CHPF: variants seen among roughly 807,000 people sequenced by gnomAD.
CHPF encodes chondroitin polymerizing factor, non-catalytic subunit.
CHPF carries 34 observed loss-of-function variants against 55.1 expected under a neutral mutation model. The observed-to-expected ratio is 0.62, with a 90% CI of 0.47 to 0.82. The LOEUF is 0.82. Among genes scored for constraint, CHPF ranks in the 40% least tolerant of loss-of-function variants. The pLI, the probability that CHPF is intolerant of heterozygous loss-of-function variation, is 0.00. For missense variants in CHPF, 961 were observed against 1,106.1 expected (o/e 0.87, Z 1.86); for synonymous variants, 489 against 496.6 (o/e 0.98, Z 0.20).
Position 219,539,886 on chromosome 2 carries a change from T to C in CHPF, c.1825A>G (p.Thr609Ala). Residue 609 changes from threonine to alanine, a missense_variant, in exon 4 of 4, where the codon ACA (threonine) becomes GCA (alanine). Transcript: ENST00000243776. ...DLLSKKHPLD[T>A]LFLLAGPDTV... ...TCTGGCCCGGCCAGCAGGAACAGTGTGTCCAGCGGGTGCTTCTTGGAGAGT... is the reference window on the plus strand; with the variant it reads ...TCTGGCCCGGCCAGCAGGAACAGTGCGTCCAGCGGGTGCTTCTTGGAGAGT... 6.2e-7 allele frequency: 1 copy of C among 1,613,686 alleles called. No individual in the cohort carries two copies. The highest frequency in any genetic ancestry group is 8.5e-7 in the Non-Finnish European group (1 of 1,179,998).
At chr2:219,541,460 C>T (rs3180308) in intron 2 of CHPF, 156 bp downstream of exon 2, 3 of 636,258 alleles carry the variant, frequency 4.7e-6, no homozygotes, top group Non-Finnish European at 7.8e-6. Context: ...GATACTGAAG[C>T]CCAGGATATT....
In CHPF at chr2:219,539,258, C is replaced by T. The variant is rs1695206670; in HGVS notation, c.*125G>A. 1 of 914,026 alleles carries T rather than the reference C, an allele frequency of 1.1e-6. No homozygotes were observed. The highest frequency in any genetic ancestry group is 1.6e-6 in the Non-Finnish European group (1 of 619,310). The allele number at this position is 914,026 out of a possible 1,614,324, so 56.6% of individuals were successfully genotyped here. On this transcript the variant is annotated 3_prime_UTR_variant, in exon 4 of 4. Transcript: ENST00000243776. ...GGACCCACAGAGCCAGAGAGGGGACCAGTGGGCCAGCTTGGGGTCTGGCTA... is the reference window on the plus strand; with the variant it reads ...GGACCCACAGAGCCAGAGAGGGGACTAGTGGGCCAGCTTGGGGTCTGGCTA...
chr2:219,540,277 G>A lies in CHPF; in HGVS notation c.1434C>T (p.Arg478=). The part of the protein sequence containing the change: ...QLEALTPQGG[R]RPLTRRVQLL... ...GCTGCACTCGGCGAGTGAGGGGCCG[G>A]CGGCCTCCCTGGGGGGTCAGTGCCT... The change falls in exon 4 of 4, where the codon CGC becomes CGT. Residue 478 remains arginine (R), a synonymous_variant. Transcript: ENST00000243776. 6.2e-7 allele frequency: 1 copy of A among 1,613,776 alleles called. No homozygotes were observed. Among genetic ancestry groups the A allele is most frequent in the Non-Finnish European group, 8.5e-7 (1 of 1,179,876 alleles).
chr2:219,541,395 T>C (rs758414745), intron 2 of CHPF: 49 of 555,214 alleles, frequency 8.8e-5, no homozygotes, highest in Non-Finnish European at 1.4e-4. Context: ...TCCCTGATTT[T>C]TTCTAATCCT....
intron 1 of CHPF, 83 bp downstream of exon 1, chr2:219,543,142 G>C (rs1441700992): frequency 6.6e-6 from 9 of 1,373,052 alleles, no homozygotes; most frequent in Non-Finnish European, 8.4e-6. Flanking sequence ...CTTCCTTCCG[G>C]AGCCTGACCC....
At chr2:219,541,513 G>C (rs1384678446) in intron 2 of CHPF, 103 bp downstream of exon 2, 1 of 924,840 alleles carries the variant, frequency 1.1e-6, no homozygotes, top group Non-Finnish European at 1.6e-6. Flanking sequence ...ATAAATGTCC[G>C]AATTGGCATG....
intron 2 of CHPF, 81 bp downstream of exon 2, chr2:219,541,535 C>T (rs1430141416): frequency 8.6e-7 from 1 of 1,168,620 alleles, no homozygotes; most frequent in African/African-American, 1.6e-5. Flanking sequence ...AAAAGCAGAC[C>T]TGTATCTCCA....
chr2:219,543,206 G>A lies in CHPF; in HGVS notation c.314+19C>T. ...CCGGCCGCTGCCCAGGGGGTAGAGC[G>A]GGCGCAGCCGATCACTACCTGACGG... On this transcript the variant is annotated intron_variant, in intron 1 of 3. Transcript: ENST00000243776. 3 of 1,503,892 alleles carry A rather than the reference G, an allele frequency of 2.0e-6. No individual in the cohort carries two copies. Among genetic ancestry groups the A allele is most frequent in the Non-Finnish European group, 2.6e-6 (3 of 1,137,894 alleles). The allele number at this position is 1,503,892 out of a possible 1,614,324, so 93.2% of individuals were successfully genotyped here.
Position 219,543,326 on chromosome 2 carries a change from G to A in CHPF, c.213C>T (p.Arg71=). 6.4e-7 allele frequency: 1 copy of A among 1,571,852 alleles called. No homozygotes were observed. The highest frequency in any genetic ancestry group is 8.6e-7 in the Non-Finnish European group (1 of 1,168,816). Residue 71 remains arginine, a synonymous_variant, in exon 1 of 4, where the codon CGC becomes CGT. Coordinates refer to ENST00000243776, the MANE Select transcript of CHPF (RefSeq NM_024536.6). ...RPNSVQPGAE[R]EKPGAGEGAG... ...CGCCTTCGCCGGCCCCGGGCTTCTCGCGCTCCGCTCCGGGCTGCACCGAGT... is the reference window on the plus strand; with the variant it reads ...CGCCTTCGCCGGCCCCGGGCTTCTCACGCTCCGCTCCGGGCTGCACCGAGT...
Position 219,543,394 on chromosome 2 carries a change from C to G in CHPF, c.145G>C (p.Glu49Gln). ...TTGGTGTTGCCGCGCGGCGGCAGCT[C>G]AGAGTCTCCAGGTTGGGGCGGGCCT... ...GPGPPQPGDS[E>Q]LPPRGNTNAA... The change falls in exon 1 of 4, where the codon GAG (glutamate) becomes CAG (glutamine). Residue 49 changes from glutamate (E) to glutamine (Q), a missense_variant. By Grantham distance (29) the Glu-to-Gln change is conservative. This residue lies in a region of CHPF where 936 missense variants were observed against 1,058.4 expected (regional missense o/e 0.88). Transcript: ENST00000243776. 2 of 1,560,042 alleles carry G rather than the reference C, an allele frequency of 1.3e-6. No individual in the cohort carries two copies. Among genetic ancestry groups the G allele is most frequent in the Admixed American group, 1.8e-5 (1 of 56,122 alleles).
intron 1 of CHPF, 50 bp from the exon 2 acceptor site, chr2:219,542,239 G>C: frequency 7.4e-6 from 2 of 271,382 alleles, no homozygotes; most frequent in South Asian, 3.8e-5. Flanking sequence ...GGGGCGGGGG[G>C]TGGGGGGGAG....
At position 219,540,191 on chromosome 2, in the gene CHPF, C is replaced by G. The variant is rs773878341; in HGVS notation, c.1520G>C (p.Arg507Pro). Reference sequence around the variant, plus strand: ...AGCTAGAGGCAGCAGCACAGTGAGACGTGAGGCCTCAGTGACATAGGGCAC... The same window carrying G: ...AGCTAGAGGCAGCAGCACAGTGAGAGGTGAGGCCTCAGTGACATAGGGCAC... ...LPVPYVTEAS[R>P]LTVLLPLAAA... Residue 507 changes from arginine to proline, a missense_variant, in exon 4 of 4, where the codon CGT becomes CCT. By Grantham distance (103) the Arg-to-Pro change is moderately radical. Transcript: ENST00000243776. 1 of 1,611,590 alleles carries G rather than the reference C, an allele frequency of 6.2e-7. No homozygotes were observed. The highest frequency in any genetic ancestry group is 1.7e-5 in the Admixed American group (1 of 59,736).
chr2:219,539,600 C>G lies in CHPF; in HGVS notation c.2111G>C (p.Ser704Thr), dbSNP rs1363251354. ...GAGGAACAGCTCGTACACATCCAGG[C>G]TCTCCAGCAGCTCCTCTTCTTGTTC... is the stretch of plus-strand genomic sequence containing the variant. ...ASEQEEELLESLDVYELFLHF... is the reference protein window; with the variant it reads ...ASEQEEELLETLDVYELFLHF... The change falls in exon 4 of 4, where the codon AGC becomes ACC. Residue 704 changes from serine to threonine, a missense_variant. By Grantham distance (58) the Ser-to-Thr change is moderately conservative (BLOSUM62 1). Coordinates refer to ENST00000243776, the MANE Select transcript of CHPF (RefSeq NM_024536.6). 2 of 1,613,808 alleles carry G rather than the reference C, an allele frequency of 1.2e-6. No homozygotes were observed. Among genetic ancestry groups the G allele is most frequent in the African/African-American group, 1.3e-5 (1 of 74,944 alleles).
chr2:219,539,368 G>A lies in CHPF; in HGVS notation c.*15C>T, dbSNP rs1166190478. On this transcript the variant is annotated 3_prime_UTR_variant, in exon 4 of 4. Transcript: ENST00000243776. The stretch of plus-strand genomic sequence containing the variant: ...GGGGTGTGGCCATGCCACGGCCCAC[G>A]GGGACAGGGTGGGGTCAGGTGCTGT... The A allele has an allele frequency of 4.4e-6, 7 of 1,580,062 alleles. No homozygotes were observed. Among genetic ancestry groups the A allele is most frequent in the African/African-American group, 2.7e-5 (2 of 74,332 alleles).
Position 219,539,319 on chromosome 2 carries a change from C to T in CHPF, c.*64G>A. The T allele has an allele frequency of 6.7e-7, 1 of 1,484,826 alleles. No individual in the cohort carries two copies. The allele number at this position is 1,484,826 out of a possible 1,614,324, so 92.0% of individuals were successfully genotyped here. On this transcript the variant is annotated 3_prime_UTR_variant, in exon 4 of 4. Coordinates refer to ENST00000243776, the MANE Select transcript of CHPF (RefSeq NM_024536.6). ...TGCCCAGCGAGGCTGGCAGGTGGCT[C>T]TGGTTTTGGGGGAGAAGTGGGGTGG...
At position 219,543,514 on chromosome 2, in the gene CHPF, C is replaced by T. The variant is rs1387699892; in HGVS notation, c.25G>A (p.Val9Met). 1 of 1,356,288 alleles carries T rather than the reference C, an allele frequency of 7.4e-7. No individual in the cohort carries two copies. Among genetic ancestry groups the T allele is most frequent in the East Asian group, 3.1e-5 (1 of 32,476 alleles). The allele number at this position is 1,356,288 out of a possible 1,614,324, so 84.0% of individuals were successfully genotyped here. A position where few individuals can be genotyped will look rare whatever the true frequency, so the allele number is the denominator to read the frequency against. ...GCCACGGGCCCTGCGGGCCGCAGCA[C>T]CGACAGCAGCAGCGATGCCCGCATG... Reference protein sequence around the residue: MRASLLLSVLRPAGPVAVG... With the variant: MRASLLLSMLRPAGPVAVG... The change falls in exon 1 of 4, where the codon GTG becomes ATG. Residue 9 changes from valine (V) to methionine (M), a missense_variant. Physicochemically the swap from Val to Met is conservative, Grantham distance 21. Around this residue, in one of 3 missense-constraint regions of CHPF, gnomAD observed 19 missense variants for 22.5 expected, o/e 0.85. Transcript: ENST00000243776.
Position 219,541,174 on chromosome 2 carries a change from G to A in CHPF, c.889-49C>T, listed in dbSNP as rs767824475. The A allele has an allele frequency of 1.3e-5, 20 of 1,497,986 alleles. 2 individuals carry two copies. The highest frequency in any genetic ancestry group is 8.4e-5 in the African/African-American group (6 of 71,172). 92.8% of individuals were successfully genotyped at this position (1,497,986 alleles called of 1,614,324 possible). A position where few individuals can be genotyped will look rare whatever the true frequency, so the allele number is the denominator to read the frequency against. On this transcript the variant is annotated intron_variant, in intron 2 of 3. Transcript: ENST00000243776. ...CTGTGATGAGCTGGCATTGTCTTCC[G>A]TTGTCTCATAGTAAGTGTCTCATCT... is the stretch of plus-strand genomic sequence containing the variant.
In CHPF at chr2:219,543,229, C is replaced by A. The variant is rs1203817294; in HGVS notation, c.310G>T (p.Val104Phe). The A allele has an allele frequency of 6.4e-7, 1 of 1,552,720 alleles. No individual in the cohort carries two copies. Among genetic ancestry groups the A allele is most frequent in the African/African-American group, 1.4e-5 (1 of 70,410 alleles). ...GCGGGCGCAGCCGATCACTACCTGA[C>A]GGCCTTTTTGGCGGCCTGGCCGGGC... Reference protein sequence around the residue: ...AQPGQAAKKAVRTRYISTELG... With the variant: ...AQPGQAAKKAFRTRYISTELG... Residue 104 changes from valine (V) to phenylalanine (F), a missense_variant, in exon 1 of 4, where the codon GTC (valine) becomes TTC (phenylalanine). Physicochemically the swap from Val to Phe is conservative, Grantham distance 50 (BLOSUM62 -1). Coordinates refer to ENST00000243776, the MANE Select transcript of CHPF (RefSeq NM_024536.6).
In CHPF at chr2:219,539,940, C is replaced by T. The variant is rs765557362; in HGVS notation, c.1771G>A (p.Ala591Thr). Residue 591 changes from alanine (A) to threonine (T), a missense_variant, in exon 4 of 4, where the codon GCA (alanine) becomes ACA (threonine). Transcript: ENST00000243776. ...RVPWLSVQTA[A>T]PSPLRLMDLL... The stretch of plus-strand genomic sequence containing the variant: ...TCCATGAGGCGCAGTGGTGAGGGTG[C>T]GGCTGTCTGCACACTGAGCCATGGC... 38 of 1,613,614 alleles carry T rather than the reference C, an allele frequency of 2.4e-5. No individual in the cohort carries two copies. The highest frequency in any genetic ancestry group is 1.6e-4 in the Middle Eastern group (1 of 6,080).
Sources: gnomAD v4.1 joint callset for allele counts on GRCh38, gnomAD v4.1.1 for gene constraint, gnomAD v4.1.1 regional missense constraint, MANE v1.5 for transcripts, NCBI Gene and HGNC (gene_info 2026-07-23, HGNC 2026-07-21) for gene names.